MTA3: variants seen among roughly 807,000 people sequenced by gnomAD.
MTA3 encodes the protein metastasis associated 1 family member 3, also known as metastasis-associated protein MTA3.
Under a neutral mutation model 83.5 loss-of-function variants are expected in MTA3, and 34 were observed. The observed-to-expected ratio is 0.41, with a 90% CI of 0.31 to 0.54. The LOEUF (loss-of-function observed/expected upper bound fraction) is 0.54, where lower values mean the gene tolerates loss of function less well. MTA3 is among the 20% of genes least tolerant of loss of function. MTA3 has a pLI of 0.33. For synonymous variants in MTA3, 303 were observed against 252.7 expected, an observed-to-expected ratio of 1.20 and a Z score of -1.89; for missense variants, 761 against 726.4, an observed-to-expected ratio of 1.05 and a Z score of -0.55.
At chr2:42,708,781 A>G in intron 13 of MTA3, 93 bp from the exon 14 acceptor site, 2 of 1,326,134 alleles carry the variant, frequency 1.5e-6, no homozygotes, top group East Asian at 4.6e-5. Context: ...TGAAAGATTT[A>G]AAAGTTGCAC....
intron 2 of MTA3, among the ~76,000 whole-genome samples, chr2:42,559,317 C>G (rs1173025574): frequency 6.6e-6 from 1 of 151,458 alleles, no homozygotes; most frequent in African/African-American, 2.4e-5. Flanking sequence ...GCCTGGCCAA[C>G]ATGGTGAAAC....
At chr2:42,679,408 A>G (rs191343487) in intron 8 of MTA3, among the ~76,000 whole-genome samples, 89 of 152,328 alleles carry the variant, frequency 5.8e-4, no homozygotes, top group African/African-American at 2.0e-3. Context: ...AGCAAATTGA[A>G]AACCGCACAG....
chr2:42,642,242 A>G (rs891632519), intron 5 of MTA3, among the ~76,000 whole-genome samples: 1 of 152,188 alleles, frequency 6.6e-6, no homozygotes, highest in African/African-American at 2.4e-5. Flanking sequence ...AGCAACTTAT[A>G]TGACCCAAAT....
intron 6 of MTA3, among the ~76,000 whole-genome samples, chr2:42,653,168 C>G (rs1688869431): frequency 6.6e-6 from 1 of 152,134 alleles, no homozygotes. Context: ...AAGCTGTATA[C>G]AATCACACAT....
chr2:42,565,868 G>A (rs1677888557), upstream of MTA3, among the ~76,000 whole-genome samples: 1 of 152,138 alleles, frequency 6.6e-6, no homozygotes. Context: ...GCCAGACGTG[G>A]TGATGGGCAC....
At chr2:42,582,410 A>G (rs79221491) in intron 3 of MTA3, among the ~76,000 whole-genome samples, 5,221 of 152,288 alleles carry the variant, frequency 0.034, 188 homozygotes, top group East Asian at 0.2. Context: ...ATAAAATCCA[A>G]ACAAGTTTGC....
intron 2 of MTA3, among the ~76,000 whole-genome samples, chr2:42,574,582 A>G (rs569777719): frequency 1.3e-5 from 2 of 152,016 alleles, no homozygotes; most frequent in African/African-American, 4.8e-5. Context: ...GATTACAGGC[A>G]CCTGCCACCA....
At chr2:42,561,503 A>G (rs1677673509) in intron 2 of MTA3, among the ~76,000 whole-genome samples, 1 of 151,890 alleles carries the variant, frequency 6.6e-6, no homozygotes. Flanking sequence ...TTGTATTTTT[A>G]GTAGAGACGG....
At chr2:42,569,202 GGGTGGGGGC>G (rs1226141040) in intron 1 of MTA3, among the ~76,000 whole-genome samples, 3 of 151,746 alleles carry the variant, frequency 2.0e-5, no homozygotes, top group African/African-American at 7.2e-5. Flanking sequence ...GTGGGGGTGG[GGGTGGGGGC>G]GGTGGGGGCC....
In MTA3 at chr2:42,709,032, C is replaced by A; in HGVS notation, c.1461C>A (p.Leu487=). The part of the protein sequence containing the change: ...KFARQVCKNT[L]RLRQAARRPF... ...CTCGTCAGGTCTGCAAAAATACCCT[C>A]CGGCTGCGGCAGGCAGCAAGACGGC... The change falls in exon 14 of 17, where the codon CTC becomes CTA. Residue 487 remains leucine (L), a synonymous_variant. Transcript: ENST00000405094. 1 of 1,613,984 alleles carries A rather than the reference C, an allele frequency of 6.2e-7. No homozygotes were observed.
At chr2:42,635,409 C>A (rs186238895) in intron 4 of MTA3, among the ~76,000 whole-genome samples, 3 of 152,146 alleles carry the variant, frequency 2.0e-5, no homozygotes, top group African/African-American at 7.2e-5. Flanking sequence ...GGGTGGATCA[C>A]CTGAAATTAG....
At chr2:42,549,465 ATAT>A (rs1408812863) in intron 2 of MTA3, among the ~76,000 whole-genome samples, 4 of 91,904 alleles carry the variant, frequency 4.4e-5, no homozygotes, top group Non-Finnish European at 5.6e-5. Context: ...TTATATATAC[ATAT>A]TATATATTAT....
Position 42,594,728 on chromosome 2 carries a change from A to ATATTTTTTTTTT in MTA3, c.191-14729_191-14728insATTTTTTTTTTT. On this transcript the variant is annotated intron_variant, in intron 3 of 16. Coordinates refer to ENST00000405094, the MANE Select transcript of MTA3 (RefSeq NM_001330442.2). ...TACATATATATATATATATATATAT[A>ATATTTTTTTTTT]TTTTTTTTTTTTTTTTGAGACAGAG... 1.0e-3 allele frequency among the ~76,000 whole-genome samples: 24 copies of ATATTTTTTTTTT among 24,044 alleles called. 2 individuals carry two copies. The highest frequency in any genetic ancestry group is 4.7e-3 in the African/African-American group (21 of 4,470). 15.8% of individuals were successfully genotyped at this position (24,044 alleles called of 152,430 possible).
intron 8 of MTA3, among the ~76,000 whole-genome samples, chr2:42,663,991 A>G (rs1689980965): frequency 6.6e-6 from 1 of 152,096 alleles, no homozygotes; most frequent in Non-Finnish European, 1.5e-5. Context: ...GTGTTTTGTC[A>G]TGTTTGTATA....
chr2:42,581,450 G>T (rs75472182), intron 3 of MTA3, among the ~76,000 whole-genome samples: 73 of 142,992 alleles, frequency 5.1e-4, no homozygotes, highest in African/African-American at 1.8e-3. Context: ...GCTCACTGCA[G>T]CCTTGAATCA....
chr2:42,625,944 T>G (rs1021398714), intron 4 of MTA3, among the ~76,000 whole-genome samples: 1 of 149,332 alleles, frequency 6.7e-6, no homozygotes, highest in African/African-American at 2.5e-5. Flanking sequence ...CCTTTTTTTT[T>G]TCTTTTTTTT....
At position 42,697,801 on chromosome 2, in the gene MTA3, A is replaced by G; in HGVS notation, c.992A>G (p.Glu331Gly). The G allele has an allele frequency of 6.5e-7, 1 of 1,545,654 alleles. No individual in the cohort carries two copies. The stretch of plus-strand genomic sequence containing the variant: ...AAACGTCTAAAAGCAGCAGAAGCTG[A>G]GAGTAAACTGAAACAAGTATATATC... The part of the protein sequence containing the change: ...QQKRLKAAEA[E>G]SKLKQVYIPT... Residue 331 changes from glutamate to glycine, a missense_variant, in exon 11 of 17, where the codon GAG becomes GGG. Physicochemically the swap from Glu to Gly is moderately conservative, Grantham distance 98 (BLOSUM62 -2). Transcript: ENST00000405094.
chr2:42,708,193 A>C (rs1558605443), intron 13 of MTA3, 139 bp downstream of exon 13: 8 of 867,830 alleles, frequency 9.2e-6, no homozygotes, highest in Admixed American at 7.2e-5. Context: ...TACAATATTC[A>C]GGGTAGGTGT....
intron 15 of MTA3, among the ~76,000 whole-genome samples, chr2:42,720,243 C>T (rs538195965): frequency 3.3e-5 from 5 of 151,996 alleles, no homozygotes; most frequent in African/African-American, 9.7e-5. Context: ...AGTGCAGTGG[C>T]GCAATCTCGG....
Sources: allele counts gnomAD v4.1 joint callset (sites outside exome capture counted in the v4.1 genomes callset), GRCh38; gene constraint gnomAD v4.1.1; transcripts MANE v1.5; gene names NCBI Gene and HGNC (gene_info 2026-07-23, HGNC 2026-07-21).